Variants in CDH11 observed in about 807,000 individuals in gnomAD.
The protein encoded by CDH11 is cadherin 11, also known as cadherin-11.
A neutral mutation model predicts 67.8 loss-of-function variants in CDH11; 11 were observed. The ratio of observed to expected loss-of-function variants is 0.16; its 90% CI spans 0.10 to 0.27. The LOEUF is 0.27. Among genes scored for constraint, CDH11 ranks in the 10% least tolerant of loss-of-function variants. The pLI is 1.00. For synonymous variants in CDH11, 419 were observed against 400.0 expected (o/e 1.05, Z -0.57); for missense variants, 847 against 1,031.2 (o/e 0.82, Z 2.45).
chr16:65,122,217 A>T, upstream of CDH11: 2 of 517,608 alleles, frequency 3.9e-6, no homozygotes, highest in South Asian at 2.2e-5. Flanking sequence ...TGCGAGAGGC[A>T]GCGAGATGGG....
intron 1 of CDH11, among the ~76,000 whole-genome samples, chr16:65,057,079 T>C (rs1597142229): frequency 6.6e-6 from 1 of 152,214 alleles, no homozygotes; most frequent in Admixed American, 6.5e-5. Context: ...ATCCAAGTTG[T>C]TCTTTATGCT....
chr16:65,100,181 C>T (rs144902079), intron 1 of CDH11, among the ~76,000 whole-genome samples: 73 of 152,052 alleles, frequency 4.8e-4, no homozygotes, highest in African/African-American at 1.5e-3. Flanking sequence ...GTTGACATCA[C>T]AGAAATATAG....
intron 1 of CDH11, among the ~76,000 whole-genome samples, chr16:65,093,332 G>T (rs777072976): frequency 6.7e-6 from 1 of 150,328 alleles, no homozygotes; most frequent in Admixed American, 6.7e-5. Flanking sequence ...CACAGTGACC[G>T]ACTCCTAGGC....
intron 2 of CDH11, among the ~76,000 whole-genome samples, chr16:65,027,858 C>A (rs1218640818): frequency 6.6e-6 from 1 of 152,184 alleles, no homozygotes. Context: ...CCTCAGCAAT[C>A]TAATCTAGCT....
Position 64,993,054 on chromosome 16 carries a change from A to C in CDH11, c.524-20T>G, listed in dbSNP as rs746260279. 5 of 1,594,900 alleles carry C rather than the reference A, an allele frequency of 3.1e-6. No individual in the cohort carries two copies. In the African/African-American group the frequency reaches 6.7e-5, roughly 21 times the overall value. On this transcript the variant is annotated intron_variant, in intron 4 of 12. Coordinates refer to ENST00000268603, the MANE Select transcript of CDH11 (RefSeq NM_001797.4). ...ACGTTCCTTAAAAGTGAAATAAATT[A>C]ATTAGCAACATCTCCTCAGATTTTC...
At chr16:65,013,659 C>A (rs545063759) in intron 2 of CDH11, among the ~76,000 whole-genome samples, 1 of 151,904 alleles carries the variant, frequency 6.6e-6, no homozygotes, top group Admixed American at 6.6e-5. Context: ...CCAGTTTCTA[C>A]TAAAAAAATA....
chr16:64,948,237 G>T, intron 12 of CDH11, 138 bp from the exon 13 acceptor site: 2 of 1,141,448 alleles, frequency 1.8e-6, no homozygotes, highest in Non-Finnish European at 2.4e-6. Flanking sequence ...TGAGAGCTTT[G>T]CCTGGAATCC....
At chr16:64,990,056 TA>T (rs200418791) in intron 6 of CDH11, among the ~76,000 whole-genome samples, 7 of 151,662 alleles carry the variant, frequency 4.6e-5, no homozygotes, top group South Asian at 2.1e-4. Flanking sequence ...TGTGAAGGTT[TA>T]AAAAAAAATG....
chr16:65,038,787 G>A (rs1000205777), intron 2 of CDH11, among the ~76,000 whole-genome samples: 8 of 148,880 alleles, frequency 5.4e-5, no homozygotes, highest in African/African-American at 2.1e-4. Context: ...AACAAATACA[G>A]CATTCTTTAT....
At chr16:64,950,708 T>A (rs932110627) in intron 12 of CDH11, 59 bp downstream of exon 12, 2 of 1,582,828 alleles carry the variant, frequency 1.3e-6, no homozygotes, top group Non-Finnish European at 1.7e-6. Context: ...AGCATGTGTT[T>A]CAAGGAGGGG....
At chr16:64,983,959 T>C (rs2072420191) in intron 7 of CDH11, among the ~76,000 whole-genome samples, 1 of 152,236 alleles carries the variant, frequency 6.6e-6, no homozygotes, top group South Asian at 2.1e-4. Flanking sequence ...TTTAGGCATA[T>C]GCCTGAGAAC....
intron 11 of CDH11, among the ~76,000 whole-genome samples, chr16:64,969,303 T>G (rs1202077778): frequency 6.6e-6 from 1 of 152,204 alleles, no homozygotes; most frequent in Non-Finnish European, 1.5e-5. Context: ...GGCAAAGTTA[T>G]CACAGCAGGG....
rs538350250 is a variant in CDH11, at chr16:64,949,670, C to T, written c.1894+1097G>A. On this transcript the variant is annotated intron_variant, in intron 12 of 12. Transcript: ENST00000268603. The stretch of plus-strand genomic sequence containing the variant: ...TGAACTCCCAACTTCAGGTGATCAG[C>T]CTGCCTCCGCCTCCCAAAGTGCTGG... 1.5e-3 allele frequency among the ~76,000 whole-genome samples: 230 copies of T among 152,198 alleles called. 1 individual carries two copies. Among genetic ancestry groups the T allele is most frequent in the African/African-American group, 5.3e-3 (219 of 41,548 alleles).
intron 2 of CDH11, among the ~76,000 whole-genome samples, chr16:65,048,449 C>T (rs1430926100): frequency 6.6e-6 from 1 of 152,108 alleles, no homozygotes; most frequent in Non-Finnish European, 1.5e-5. Flanking sequence ...ACCCATGTGT[C>T]TATTACAACA....
At chr16:65,064,253 C>G (rs2074278094) in intron 1 of CDH11, among the ~76,000 whole-genome samples, 1 of 152,242 alleles carries the variant, frequency 6.6e-6, no homozygotes, top group African/African-American at 2.4e-5. Context: ...CAGCTGCAAG[C>G]TGATTCCTGT....
intron 6 of CDH11, among the ~76,000 whole-genome samples, chr16:64,989,613 A>G (rs2072580223): frequency 6.6e-6 from 1 of 152,144 alleles, no homozygotes; most frequent in South Asian, 2.1e-4. Flanking sequence ...TTCTGGTGAG[A>G]GAGAAGGGCT....
intron 2 of CDH11, among the ~76,000 whole-genome samples, chr16:65,034,994 C>T (rs1455472090): frequency 6.6e-6 from 1 of 152,208 alleles, no homozygotes; most frequent in Non-Finnish European, 1.5e-5. Flanking sequence ...TCTGCAAAGA[C>T]CTAGTTATGT....
At chr16:64,970,575 G>A (rs1185340951) in intron 11 of CDH11, among the ~76,000 whole-genome samples, 11 of 152,166 alleles carry the variant, frequency 7.2e-5, no homozygotes, top group Admixed American at 6.5e-4. Flanking sequence ...CTTGGCATGG[G>A]TCGTGGAACA....
At chr16:65,087,489 C>G (rs2074720608) in intron 1 of CDH11, among the ~76,000 whole-genome samples, 1 of 152,142 alleles carries the variant, frequency 6.6e-6, no homozygotes, top group Non-Finnish European at 1.5e-5. Flanking sequence ...TCACATGCTG[C>G]TGCAGGGAGC....
Sources: gnomAD v4.1 joint callset for allele counts (sites outside exome capture counted in the v4.1 genomes callset) on GRCh38, gnomAD v4.1.1 for gene constraint, MANE v1.5 for transcripts, NCBI Gene and HGNC (gene_info 2026-07-23, HGNC 2026-07-21) for gene names.